Variants in RIMS2 observed in about 807,000 individuals in gnomAD.
RIMS2 encodes the protein regulating synaptic membrane exocytosis 2.
In RIMS2, 59 loss-of-function variants were observed where a neutral mutation model predicts 174.4. The observed-to-expected ratio is 0.34, with a 90% CI of 0.27 to 0.42. The LOEUF (loss-of-function observed/expected upper bound fraction) is 0.42. Ranked by LOEUF, RIMS2 falls within the 10% of genes least tolerant of loss-of-function variation. RIMS2 has a pLI of 1.00. For missense variants in RIMS2, 1,620 were observed against 1,666.3 expected (o/e 0.97, Z 0.48); for synonymous variants, 606 against 572.5 (o/e 1.06, Z -0.84).
At chr8:104,190,911 C>G (rs2098994183) in intron 19 of RIMS2, among the ~76,000 whole-genome samples, 1 of 149,162 alleles carries the variant, frequency 6.7e-6, no homozygotes, top group Non-Finnish European at 1.5e-5. Context: ...TGAAGAATGA[C>G]AAATTTAATT....
chr8:103,568,350 G>A (rs1220026961), intron 1 of RIMS2, among the ~76,000 whole-genome samples: 1 of 152,134 alleles, frequency 6.6e-6, no homozygotes. Context: ...ATGGTTCAGA[G>A]ATGGTTTAAT....
chr8:103,684,659 T>TG (rs1224085152), intron 1 of RIMS2, among the ~76,000 whole-genome samples: 2 of 152,020 alleles, frequency 1.3e-5, no homozygotes, highest in African/African-American at 4.8e-5. Context: ...TGATCTCAGC[T>TG]CACCGCAACT....
rs543754108 is a variant in RIMS2, at chr8:104,184,576, T to G, written c.3335-60340T>G. Among the ~76,000 whole-genome samples the G allele has an allele frequency of 6.6e-5, 10 of 151,694 alleles. No homozygotes were observed. In the South Asian group the frequency reaches 1.7e-3, roughly 25 times the overall value. On this transcript the variant is annotated intron_variant, in intron 19 of 23. Coordinates refer to ENST00000504942, the Ensembl canonical transcript of RIMS2. ...TCTGATAGTATCAAGGTGAAATATT[T>G]CACTAACTATAGACCTCATTCTGTA...
At chr8:103,833,016 C>T (rs939665453) in intron 3 of RIMS2, among the ~76,000 whole-genome samples, 21 of 152,214 alleles carry the variant, frequency 1.4e-4, no homozygotes, top group Non-Finnish European at 2.4e-4. Flanking sequence ...GGAGAACACC[C>T]TGTAATATTA....
rs139657747 is a variant in RIMS2, at chr8:104,097,585, C to T, written c.3334+82970C>T. The stretch of plus-strand genomic sequence containing the variant: ...AAGCAGCATAGTAGCATCACCAGAA[C>T]ACCTATATCAGCAGTTAAGCAATAG... On this transcript the variant is annotated intron_variant, in intron 19 of 23. Coordinates refer to ENST00000504942, the Ensembl canonical transcript of RIMS2. Among the ~76,000 whole-genome samples, 75 of 150,468 alleles carry T rather than the reference C, an allele frequency of 5.0e-4. 1 individual carries two copies. Among genetic ancestry groups the T allele is most frequent in the African/African-American group, 1.7e-3 (71 of 40,914 alleles).
chr8:103,588,229 C>T (rs558034464), intron 1 of RIMS2, among the ~76,000 whole-genome samples: 1 of 151,912 alleles, frequency 6.6e-6, no homozygotes, highest in South Asian at 2.1e-4. Context: ...AACTATAAAA[C>T]ACTGAAGAAA....
At chr8:103,901,018 T>C (rs1191074015) in intron 4 of RIMS2, among the ~76,000 whole-genome samples, 1 of 152,150 alleles carries the variant, frequency 6.6e-6, no homozygotes, top group African/African-American at 2.4e-5. Context: ...TGTGTATCCA[T>C]ACTCTGTGGC....
chr8:103,588,769 T>TAAAGACTGAAA (rs1267852902), intron 1 of RIMS2, among the ~76,000 whole-genome samples: 3 of 151,896 alleles, frequency 2.0e-5, no homozygotes, highest in African/African-American at 7.2e-5. Flanking sequence ...CAAAATGGAT[T>TAAAGACTGAAA]AAAGACTGAA....
chr8:103,524,095 TTC>T (rs775887995), intron 1 of RIMS2, among the ~76,000 whole-genome samples: 3 of 152,190 alleles, frequency 2.0e-5, no homozygotes, highest in Non-Finnish European at 4.4e-5. Context: ...CAGAGGGACT[TTC>T]TGTTTTTGCA....
rs559350303 is a variant in RIMS2, at chr8:103,708,810, T to G, written c.387+11514T>G. Among the ~76,000 whole-genome samples, 60 of 152,330 alleles carry G rather than the reference T, an allele frequency of 3.9e-4. 1 individual carries two copies. The highest frequency in any genetic ancestry group is 6.2e-4 in the South Asian group (3 of 4,826). ...TATTTTTCTTTGTGTCTCTTTGGTTTGAGGTTTGTTGAGGGCCTGGGGGAA... is the reference window on the plus strand; with the variant it reads ...TATTTTTCTTTGTGTCTCTTTGGTTGGAGGTTTGTTGAGGGCCTGGGGGAA... On this transcript the variant is annotated intron_variant, in intron 2 of 23. Transcript: ENST00000504942.
chr8:103,905,492 T>C (rs1404244399), intron 4 of RIMS2, among the ~76,000 whole-genome samples: 1 of 152,102 alleles, frequency 6.6e-6, no homozygotes, highest in Non-Finnish European at 1.5e-5. Flanking sequence ...GTGTTGCTTT[T>C]TTCTTGGAGC....
chr8:104,030,126 T>G (rs2096357617), intron 19 of RIMS2, among the ~76,000 whole-genome samples: 1 of 152,166 alleles, frequency 6.6e-6, no homozygotes, highest in Non-Finnish European at 1.5e-5. Flanking sequence ...TATTCCACTA[T>G]TTATGGCTAA....
chr8:103,590,080 G>A (rs1320389892), intron 1 of RIMS2, among the ~76,000 whole-genome samples: 1 of 151,344 alleles, frequency 6.6e-6, no homozygotes, highest in Non-Finnish European at 1.5e-5. Flanking sequence ...AACTTAGAGG[G>A]TAATTGGATT....
intron 3 of RIMS2, among the ~76,000 whole-genome samples, chr8:103,834,697 T>TTTCC (rs1491559818): frequency 2.4e-5 from 2 of 82,018 alleles, no homozygotes; most frequent in East Asian, 1.5e-3. Flanking sequence ...TCTTTCTTTC[T>TTTCC]TTCTTTCTTT....
At chr8:103,839,762 G>A (rs944462376) in intron 3 of RIMS2, among the ~76,000 whole-genome samples, 2 of 152,156 alleles carry the variant, frequency 1.3e-5, no homozygotes, top group Admixed American at 1.3e-4. Context: ...TTCTGCCCTA[G>A]TACTTTGCAT....
At chr8:104,255,110 G>C (rs2099366117), downstream of RIMS2, 1 of 152,158 alleles carries the variant, frequency 6.6e-6, no homozygotes, top group South Asian at 2.1e-4. Context: ...AAGTCTAGCT[G>C]TCTCTCTATT....
chr8:103,774,278 A>G (rs1053890020), intron 3 of RIMS2, among the ~76,000 whole-genome samples: 2 of 152,244 alleles, frequency 1.3e-5, no homozygotes, highest in South Asian at 2.1e-4. Context: ...AGTTTCTTAT[A>G]AAATTAAATA....
chr8:103,804,294 T>C lies in RIMS2; in HGVS notation c.698+37757T>C, dbSNP rs191291921. 2.0e-5 allele frequency among the ~76,000 whole-genome samples: 3 copies of C among 152,224 alleles called. No homozygotes were observed. In the East Asian group the frequency reaches 5.8e-4, roughly 29 times the overall value. ...ATGAGAATCAAAAAGGCAAATAACA[T>C]TTTAGTATTATGCATATAGGTTTGA... On this transcript the variant is annotated intron_variant, in intron 3 of 23. Coordinates refer to ENST00000504942, the Ensembl canonical transcript of RIMS2.
chr8:104,059,138 G>C (rs989526186), intron 19 of RIMS2, among the ~76,000 whole-genome samples: 1 of 151,494 alleles, frequency 6.6e-6, no homozygotes, highest in African/African-American at 2.4e-5. Flanking sequence ...GGATGGCATT[G>C]AATCTATAAA....
Sources: gnomAD v4.1 joint callset for allele counts (sites outside exome capture counted in the v4.1 genomes callset) on GRCh38, gnomAD v4.1.1 for gene constraint, MANE v1.5 for transcripts, NCBI Gene and HGNC (gene_info 2026-07-23, HGNC 2026-07-21) for gene names.